BACH2: variants seen among roughly 807,000 people sequenced by gnomAD.
BACH2 encodes the protein BACH transcriptional regulator 2, also known as transcription regulator protein BACH2.
Under a neutral mutation model 61.8 loss-of-function variants are expected in BACH2, and 5 were observed. The ratio of observed to expected loss-of-function variants is 0.08; its 90% confidence interval spans 0.04 to 0.17. The LOEUF is 0.17. Among genes scored for constraint, BACH2 ranks in the 10% least tolerant of loss-of-function variants. The pLI is 1.00. For synonymous variants in BACH2, 446 were observed against 440.1 expected (o/e 1.01, Z -0.17); for missense variants, 824 against 1,091.1 (o/e 0.76, Z 3.45).
At chr6:89,957,304 C>T (rs1463540505) in intron 6 of BACH2, among the ~76,000 whole-genome samples, 2 of 152,210 alleles carry the variant, frequency 1.3e-5, no homozygotes, top group African/African-American at 4.8e-5. Context: ...CATTCTTCTT[C>T]CAAAGCAGCA....
At chr6:90,058,802 T>C (rs961723724) in intron 5 of BACH2, among the ~76,000 whole-genome samples, 19 of 151,756 alleles carry the variant, frequency 1.3e-4, no homozygotes, top group East Asian at 1.9e-4. Flanking sequence ...CAGAACAGAG[T>C]CCTCAGAAAT....
intron 3 of BACH2, among the ~76,000 whole-genome samples, chr6:90,235,376 T>C (rs1393441192): frequency 6.6e-6 from 1 of 152,204 alleles, no homozygotes; most frequent in Non-Finnish European, 1.5e-5. Flanking sequence ...CATCACAGGG[T>C]TGTGAAGATT....
At chr6:90,294,932 G>A (rs1163882721) in intron 1 of BACH2, among the ~76,000 whole-genome samples, 1 of 152,210 alleles carries the variant, frequency 6.6e-6, no homozygotes, top group African/African-American at 2.4e-5. Context: ...TATCTCATTA[G>A]GCATCATCTC....
At chr6:90,018,665 A>G (rs1001540455) in intron 5 of BACH2, among the ~76,000 whole-genome samples, 1 of 152,208 alleles carries the variant, frequency 6.6e-6, no homozygotes, top group Non-Finnish European at 1.5e-5. Context: ...ACATAGTATA[A>G]ACTTTGCTCT....
intron 4 of BACH2, among the ~76,000 whole-genome samples, chr6:90,114,900 G>A (rs1783327396): frequency 6.6e-6 from 1 of 151,814 alleles, no homozygotes; most frequent in Non-Finnish European, 1.5e-5. Flanking sequence ...AAATCAGAAA[G>A]GCAATCCCAT....
intron 5 of BACH2, among the ~76,000 whole-genome samples, chr6:90,081,802 C>T (rs932021282): frequency 1.3e-5 from 2 of 152,078 alleles, no homozygotes; most frequent in Non-Finnish European, 2.9e-5. Flanking sequence ...CTACATTTCT[C>T]AGATGAATCT....
intron 6 of BACH2, among the ~76,000 whole-genome samples, chr6:89,984,115 T>TCCCTCCCACCATGTC (rs773805861): frequency 3.2e-4 from 49 of 152,182 alleles, no homozygotes; most frequent in Non-Finnish European, 6.5e-4. Flanking sequence ...GGACCTGTCC[T>TCCCTCCCACCATGTC]CTCTCCCACC....
At chr6:90,137,684 T>C (rs927974532) in intron 4 of BACH2, among the ~76,000 whole-genome samples, 5 of 152,196 alleles carry the variant, frequency 3.3e-5, no homozygotes, top group Non-Finnish European at 7.3e-5. Flanking sequence ...TGGACATTTT[T>C]ATGTGGCTTT....
At position 90,061,820 on chromosome 6, in the gene BACH2, C is replaced by T. The variant is rs191914257; in HGVS notation, c.-13+27141G>A. ...TGAGAAGCTGAGGAAGATGCGGCAA[C>T]AAGGTGGTCATTGGTAGCTTTGATC... On this transcript the variant is annotated intron_variant, in intron 5 of 8. Coordinates refer to ENST00000257749, the MANE Select transcript of BACH2 (RefSeq NM_021813.4). 7.9e-5 allele frequency among the ~76,000 whole-genome samples: 12 copies of T among 152,264 alleles called. No homozygotes were observed. The East Asian group carries it at 1.9e-3, about 25-fold the overall frequency.
At chr6:90,165,353 G>A (rs1767572127) in intron 4 of BACH2, among the ~76,000 whole-genome samples, 1 of 151,906 alleles carries the variant, frequency 6.6e-6, no homozygotes, top group African/African-American at 2.4e-5. Flanking sequence ...CAACATACAA[G>A]GGATGTGAAG....
chr6:90,217,081 C>T (rs1367119120), intron 3 of BACH2, among the ~76,000 whole-genome samples: 4 of 152,144 alleles, frequency 2.6e-5, no homozygotes, highest in South Asian at 4.1e-4. Context: ...TAAAAATTTA[C>T]CAGTTCTCTC....
chr6:89,935,055 T>C (rs1266965923), intron 8 of BACH2, among the ~76,000 whole-genome samples: 2 of 152,016 alleles, frequency 1.3e-5, no homozygotes, highest in African/African-American at 4.8e-5. Context: ...TTGAGAGAAA[T>C]ACATTATGCG....
intron 3 of BACH2, among the ~76,000 whole-genome samples, chr6:90,229,443 C>A (rs1770022335): frequency 6.8e-6 from 1 of 146,808 alleles, no homozygotes; most frequent in Non-Finnish European, 1.5e-5. Flanking sequence ...CTGGGCTACA[C>A]AGCGAGACTT....
chr6:90,162,128 T>G (rs182158579), intron 4 of BACH2, among the ~76,000 whole-genome samples: 5 of 152,220 alleles, frequency 3.3e-5, no homozygotes, highest in Admixed American at 3.3e-4. Flanking sequence ...AGCTTCCCAA[T>G]AGGATCAAAC....
At chr6:90,208,718 A>G (rs1321118577) in intron 3 of BACH2, among the ~76,000 whole-genome samples, 1 of 152,224 alleles carries the variant, frequency 6.6e-6, no homozygotes, top group African/African-American at 2.4e-5. Context: ...TACCCAAAGG[A>G]TTATAAATCA....
At chr6:89,953,105 A>C (rs1204302426) in intron 6 of BACH2, 1 of 152,244 alleles carries the variant, frequency 6.6e-6, no homozygotes, top group Non-Finnish European at 1.5e-5. Context: ...CAGCAAGGTG[A>C]ACTGGTAAAC....
At chr6:90,060,358 G>A (rs1401601183) in intron 5 of BACH2, among the ~76,000 whole-genome samples, 1 of 151,958 alleles carries the variant, frequency 6.6e-6, no homozygotes, top group Non-Finnish European at 1.5e-5. Flanking sequence ...CTTTGTCTGT[G>A]CTCCATTGCA....
At chr6:90,187,304 G>A (rs1229450020) in intron 4 of BACH2, among the ~76,000 whole-genome samples, 1 of 152,014 alleles carries the variant, frequency 6.6e-6, no homozygotes, top group African/African-American at 2.4e-5. Context: ...AATAAATCAG[G>A]GTAACAGCAT....
intron 8 of BACH2, among the ~76,000 whole-genome samples, 164 bp from the exon 9 acceptor site, chr6:89,933,054 C>G (rs1289598067): frequency 1.3e-5 from 2 of 152,094 alleles, no homozygotes; most frequent in African/African-American, 4.8e-5. Context: ...TTCAGGGGGC[C>G]CAGACACAGG....
Sources: gnomAD v4.1 joint callset for allele counts (sites outside exome capture counted in the v4.1 genomes callset) on GRCh38, gnomAD v4.1.1 for gene constraint, MANE v1.5 for transcripts, NCBI Gene and HGNC (gene_info 2026-07-23, HGNC 2026-07-21) for gene names.